CWF19L1: variants seen among roughly 807,000 people sequenced by gnomAD.
CWF19L1 encodes CWF19-like protein 1.
A neutral mutation model predicts 69.7 loss-of-function variants in CWF19L1; 60 were observed. The observed-to-expected ratio is 0.86, with a 90% CI of 0.70 to 1.07. The LOEUF (loss-of-function observed/expected upper bound fraction) is 1.07, where lower values mean the gene tolerates loss of function less well. Ranked by LOEUF, CWF19L1 falls within the 50% of genes least tolerant of loss-of-function variation. The pLI, the probability that CWF19L1 is intolerant of heterozygous loss-of-function variation, is 0.00. For missense variants in CWF19L1, 591 were observed against 638.9 expected, an observed-to-expected ratio of 0.92 and a Z score of 0.81; for synonymous variants, 209 against 222.2, an observed-to-expected ratio of 0.94 and a Z score of 0.53.
intron 11 of CWF19L1, among the ~76,000 whole-genome samples, chr10:100,237,696 G>C (rs1380009639): frequency 6.6e-6 from 1 of 151,800 alleles, no homozygotes; most frequent in African/African-American, 2.4e-5. Context: ...GCCCAGGCTG[G>C]AGTGCAGTGG....
chr10:100,238,133 C>A lies in CWF19L1; in HGVS notation c.1143G>T (p.Val381=). The A allele has an allele frequency of 6.2e-7, 1 of 1,614,162 alleles. No individual in the cohort carries two copies. The highest frequency in any genetic ancestry group is 8.5e-7 in the Non-Finnish European group (1 of 1,180,032). The change falls in exon 11 of 14, where the codon GTG becomes GTT. Residue 381 remains valine (V), a synonymous_variant. Coordinates refer to ENST00000354105, the MANE Select transcript of CWF19L1 (RefSeq NM_018294.6). The part of the protein sequence containing the change: ...YQSVVELSAE[V]VEEVEKYKAT... ...CCTTATACTTCTCCACCTCTTCTAC[C>A]ACCTCTGCTGAAAGCTCCACCACTG...
intron 4 of CWF19L1, among the ~76,000 whole-genome samples, chr10:100,259,892 C>A (rs1035499162): frequency 6.6e-6 from 1 of 152,116 alleles, no homozygotes; most frequent in Non-Finnish European, 1.5e-5. Context: ...ATCGGCCAGG[C>A]GCGGTGGCTC....
intron 4 of CWF19L1, among the ~76,000 whole-genome samples, chr10:100,259,538 G>C (rs187078307): frequency 7.2e-5 from 11 of 152,266 alleles, no homozygotes; most frequent in Admixed American, 7.2e-4. Flanking sequence ...AGATTGTATG[G>C]TAAAGCCACA....
intron 4 of CWF19L1, among the ~76,000 whole-genome samples, chr10:100,257,505 G>A (rs1161326406): frequency 6.6e-6 from 1 of 151,486 alleles, no homozygotes; most frequent in Non-Finnish European, 1.5e-5. Flanking sequence ...TCATCATGTT[G>A]GCCAGGATGG....
At chr10:100,238,429 C>T (rs759722374) in intron 10 of CWF19L1, among the ~76,000 whole-genome samples, 198 bp from the exon 11 acceptor site, 3 of 152,270 alleles carry the variant, frequency 2.0e-5, no homozygotes, top group Middle Eastern at 3.4e-3. Flanking sequence ...GAGTGAGATT[C>T]GGCATGAAAA....
At chr10:100,262,482 TTCAG>T in intron 1 of CWF19L1, 1 of 985,210 alleles carries the variant, frequency 1.0e-6, no homozygotes, top group Non-Finnish European at 1.2e-6. Flanking sequence ...AGTACAGGGC[TTCAG>T]TCATTCATTT....
rs535587702 is a variant in CWF19L1, at chr10:100,242,791, G to C, written c.1044+907C>G. Reference sequence around the variant, plus strand: ...TAAGCAACAGAAGACTGCCTTTTTAGGACAAAGAAAATCACTTTAAATGGT... The same window carrying C: ...TAAGCAACAGAAGACTGCCTTTTTACGACAAAGAAAATCACTTTAAATGGT... On this transcript the variant is annotated intron_variant, in intron 10 of 13. Coordinates refer to ENST00000354105, the MANE Select transcript of CWF19L1 (RefSeq NM_018294.6). 6.6e-5 allele frequency among the ~76,000 whole-genome samples: 10 copies of C among 152,124 alleles called. No individual in the cohort carries two copies. The East Asian group carries it at 1.9e-3, about 29-fold the overall frequency.
chr10:100,240,945 G>A (rs1189203190), intron 10 of CWF19L1, among the ~76,000 whole-genome samples: 6 of 150,348 alleles, frequency 4.0e-5, no homozygotes, highest in Non-Finnish European at 7.4e-5. Flanking sequence ...TTGTGTCACC[G>A]GCCTTGACTT....
At chr10:100,242,153 T>G (rs1356688196) in intron 10 of CWF19L1, among the ~76,000 whole-genome samples, 1 of 152,142 alleles carries the variant, frequency 6.6e-6, no homozygotes, top group African/African-American at 2.4e-5. Flanking sequence ...TTCCACCACC[T>G]GAATAAAATC....
intron 1 of CWF19L1, among the ~76,000 whole-genome samples, chr10:100,266,606 T>C (rs1382266715): frequency 6.7e-6 from 1 of 148,622 alleles, no homozygotes; most frequent in Admixed American, 6.7e-5. Context: ...AACCTCCGCC[T>C]CCGGGTTCAA....
At chr10:100,246,136 G>C (rs1846812533) in intron 8 of CWF19L1, 3 of 454,956 alleles carry the variant, frequency 6.6e-6, no homozygotes, top group African/African-American at 2.0e-5. Flanking sequence ...CATCTCTTTG[G>C]AAAAACGAGT....
chr10:100,238,884 A>T (rs1326199660), intron 10 of CWF19L1, among the ~76,000 whole-genome samples: 1 of 149,170 alleles, frequency 6.7e-6, no homozygotes, highest in Non-Finnish European at 1.5e-5. Flanking sequence ...GTGAGCCGAG[A>T]TCGCGCCACT....
At chr10:100,260,843 C>T (rs1847376592) in intron 3 of CWF19L1, 123 bp downstream of exon 3, 1 of 691,350 alleles carries the variant, frequency 1.4e-6, no homozygotes, top group Non-Finnish European at 2.4e-6. Context: ...TGAAAAGCAA[C>T]TTAAATTCTT....
At chr10:100,248,103 T>C (rs1163784734) in intron 7 of CWF19L1, among the ~76,000 whole-genome samples, 1 of 152,148 alleles carries the variant, frequency 6.6e-6, no homozygotes, top group Non-Finnish European at 1.5e-5. Context: ...TAAAACAGAC[T>C]GAAAATACTA....
intron 10 of CWF19L1, among the ~76,000 whole-genome samples, chr10:100,242,412 G>A (rs866593296): frequency 1.3e-5 from 2 of 152,214 alleles, no homozygotes; most frequent in Non-Finnish European, 2.9e-5. Context: ...GGTGGCTCAC[G>A]CCTGTAATCC....
chr10:100,256,895 C>G (rs1272495810), intron 4 of CWF19L1, among the ~76,000 whole-genome samples: 3 of 152,206 alleles, frequency 2.0e-5, no homozygotes, highest in Non-Finnish European at 4.4e-5. Context: ...AGAAAAGATG[C>G]ACATAGTGAA....
At chr10:100,260,799 A>C (rs960962944) in intron 3 of CWF19L1, among the ~76,000 whole-genome samples, 167 bp downstream of exon 3, 32 of 152,002 alleles carry the variant, frequency 2.1e-4, no homozygotes, top group Non-Finnish European at 4.0e-4. Flanking sequence ...CGGGGATTAC[A>C]GGTGTGAGCC....
intron 5 of CWF19L1, among the ~76,000 whole-genome samples, chr10:100,255,515 C>T (rs1008890653): frequency 1.3e-5 from 2 of 152,150 alleles, no homozygotes; most frequent in Non-Finnish European, 2.9e-5. Flanking sequence ...GTAATCCCAG[C>T]ACTTTGGGAG....
In CWF19L1 at chr10:100,262,070, A is replaced by C; in HGVS notation, c.24-7T>G. The C allele has an allele frequency of 6.2e-7, 1 of 1,609,982 alleles. No individual in the cohort carries two copies. Among genetic ancestry groups the C allele is most frequent in the Non-Finnish European group, 8.5e-7 (1 of 1,179,004 alleles). On this transcript the variant is annotated splice_polypyrimidine_tract_variant and splice_region_variant and intron_variant, in intron 1 of 13. Transcript: ENST00000354105. Reference sequence around the variant, plus strand: ...AACATCTCCACAAGCCAAGCTGCAAACAAAGAGATAAACATTATAGCAATT... The same window carrying C: ...AACATCTCCACAAGCCAAGCTGCAACCAAAGAGATAAACATTATAGCAATT...
Sources: allele counts gnomAD v4.1 joint callset (sites outside exome capture counted in the v4.1 genomes callset), GRCh38; gene constraint gnomAD v4.1.1; transcripts MANE v1.5; gene names NCBI Gene and HGNC (gene_info 2026-07-23, HGNC 2026-07-21).